GRIP1: variants seen among roughly 807,000 people sequenced by gnomAD.
The protein encoded by GRIP1 is glutamate receptor-interacting protein 1.
GRIP1 carries 45 observed loss-of-function variants against 129.9 expected under a neutral mutation model. The ratio of observed to expected loss-of-function variants is 0.35; its 90% CI spans 0.27 to 0.44. The LOEUF (loss-of-function observed/expected upper bound fraction) is 0.44. GRIP1 is among the 20% of genes least tolerant of loss of function. The pLI is 1.00. For synonymous variants in GRIP1, 530 were observed against 520.8 expected (o/e 1.02, Z -0.24); for missense variants, 1,196 against 1,396.8 (o/e 0.86, Z 2.29).
intron 2 of GRIP1, among the ~76,000 whole-genome samples, chr12:66,547,647 T>A (rs986729682): frequency 2.6e-5 from 4 of 152,192 alleles, no homozygotes; most frequent in African/African-American, 9.7e-5. Flanking sequence ...ACCAGAGAAC[T>A]ATGCTAAGGG....
At chr12:66,941,504 G>T (rs1323092944) in intron 1 of GRIP1, among the ~76,000 whole-genome samples, 1 of 152,038 alleles carries the variant, frequency 6.6e-6, no homozygotes, top group Non-Finnish European at 1.5e-5. Flanking sequence ...TTGTGCTTTG[G>T]TCCTGAGCTA....
intron 1 of GRIP1, among the ~76,000 whole-genome samples, chr12:66,645,309 GA>G: frequency 6.6e-6 from 1 of 152,156 alleles, no homozygotes; most frequent in South Asian, 2.1e-4. Flanking sequence ...TAACAGATTG[GA>G]AAACAGACCT....
chr12:67,066,894 A>G (rs930040511), intron 1 of GRIP1, among the ~76,000 whole-genome samples: 1 of 139,788 alleles, frequency 7.2e-6, no homozygotes, highest in African/African-American at 2.7e-5. Flanking sequence ...ATATTTATAT[A>G]TATATATATA....
At chr12:66,909,865 C>T (rs2040999923) in intron 1 of GRIP1, among the ~76,000 whole-genome samples, 1 of 152,096 alleles carries the variant, frequency 6.6e-6, no homozygotes, top group South Asian at 2.1e-4. Context: ...AAGTTACTGC[C>T]ATAATAATGT....
intron 1 of GRIP1, among the ~76,000 whole-genome samples, chr12:66,767,213 A>AT (rs1028168635): frequency 6.6e-6 from 1 of 152,106 alleles, no homozygotes; most frequent in Admixed American, 6.6e-5. Flanking sequence ...TTAAAATACT[A>AT]TTTTTTGCCA....
chr12:66,696,313 T>C (rs1389557803), intron 1 of GRIP1, among the ~76,000 whole-genome samples: 1 of 152,098 alleles, frequency 6.6e-6, no homozygotes, highest in East Asian at 1.9e-4. Context: ...TTGAAGAATT[T>C]GATTCCTGAT....
At position 66,785,305 on chromosome 12, in the gene GRIP1, AACATACATACAT is replaced by A. The variant is rs765557975; in HGVS notation, c.-420+18736_-420+18747del. Among the ~76,000 whole-genome samples the A allele has an allele frequency of 3.8e-4, 40 of 103,942 alleles. 1 individual carries two copies. The highest frequency in any genetic ancestry group is 1.4e-3 in the African/African-American group (38 of 26,368). 68.2% of individuals were successfully genotyped at this position (103,942 alleles called of 152,430 possible). A position where few individuals can be genotyped will look rare whatever the true frequency, so the allele number is the denominator to read the frequency against. On this transcript the variant is annotated intron_variant, in intron 1 of 4. Transcript: ENST00000538373. Reference sequence around the variant, plus strand: ...GAAACCCTGACTCTTCCAAGAATTTAACATACATACATACATACATACATACATACATACATA... The same window carrying A: ...GAAACCCTGACTCTTCCAAGAATTTAACATACATACATACATACATACATA...
At chr12:66,831,975 CT>C (rs1487589439) in intron 1 of GRIP1, among the ~76,000 whole-genome samples, 1 of 152,162 alleles carries the variant, frequency 6.6e-6, no homozygotes, top group Middle Eastern at 3.2e-3. Flanking sequence ...ATAAGTTAGA[CT>C]TTCCTCAATC....
intron 1 of GRIP1, among the ~76,000 whole-genome samples, chr12:66,601,716 G>A (rs1314071241): frequency 6.6e-6 from 1 of 152,212 alleles, no homozygotes; most frequent in African/African-American, 2.4e-5. Flanking sequence ...TCCCAGCAGA[G>A]AGGAGACAGG....
Position 66,379,331 on chromosome 12 carries a change from T to C in GRIP1, c.2570A>G (p.Tyr857Cys). 6.2e-7 allele frequency: 1 copy of C among 1,614,002 alleles called. No individual in the cohort carries two copies. Among genetic ancestry groups the C allele is most frequent in the Middle Eastern group, 1.7e-4 (1 of 6,056 alleles). Residue 857 changes from tyrosine (Y) to cysteine (C), a missense_variant, in exon 20 of 25, where the codon TAC becomes TGC. Coordinates refer to ENST00000359742, the MANE Select transcript of GRIP1 (RefSeq NM_001366722.1). ...TTCATAACTCAGCCCCACATCTGGG[T>C]AAGTCTGGCTTCGAGGCTTAGTGAC... ...SPVTKPRSQTYPDVGLSYEDW... is the reference protein window; with the variant it reads ...SPVTKPRSQTCPDVGLSYEDW...
chr12:66,906,603 T>C (rs10878531), intron 1 of GRIP1, among the ~76,000 whole-genome samples: 39,457 of 152,000 alleles, frequency 0.26, 5,539 homozygotes, highest in East Asian at 0.45. Context: ...CTCAAGCATA[T>C]GCACTCTGGG....
intron 7 of GRIP1, among the ~76,000 whole-genome samples, chr12:66,483,976 C>T (rs2059882158): frequency 6.6e-6 from 1 of 151,544 alleles, no homozygotes. Flanking sequence ...TCTCCTGCCT[C>T]AGCCTCCCAA....
At chr12:66,494,923 T>TTTGC (rs1259619306) in intron 7 of GRIP1, among the ~76,000 whole-genome samples, 1 of 152,084 alleles carries the variant, frequency 6.6e-6, no homozygotes, top group Non-Finnish European at 1.5e-5. Flanking sequence ...GAAGCTCTTT[T>TTTGC]AAGACAGAGC....
intron 7 of GRIP1, among the ~76,000 whole-genome samples, chr12:66,510,250 C>T (rs1278991034): frequency 4.6e-5 from 7 of 152,250 alleles, no homozygotes; most frequent in East Asian, 1.9e-4. Context: ...GCTTGGCCTT[C>T]GTTCACTGTC....
At chr12:66,809,113 A>AT (rs2039053604), upstream of GRIP1, among the ~76,000 whole-genome samples, 2 of 152,226 alleles carry the variant, frequency 1.3e-5, no homozygotes, top group Non-Finnish European at 1.5e-5. Context: ...ATGTTAACAA[A>AT]TATGTATTTT....
chr12:66,784,106 C>G (rs1165918491), intron 1 of GRIP1, among the ~76,000 whole-genome samples: 1 of 151,610 alleles, frequency 6.6e-6, no homozygotes, highest in African/African-American at 2.4e-5. Context: ...CCAATTTAAG[C>G]CAATATTTCC....
At chr12:66,731,542 A>C (rs930787793) in intron 1 of GRIP1, among the ~76,000 whole-genome samples, 2 of 152,172 alleles carry the variant, frequency 1.3e-5, no homozygotes, top group African/African-American at 4.8e-5. Context: ...TAATCATTGA[A>C]ACTATAAATA....
chr12:66,842,871 A>C (rs2039745975), intron 1 of GRIP1, among the ~76,000 whole-genome samples: 1 of 152,174 alleles, frequency 6.6e-6, no homozygotes, highest in African/African-American at 2.4e-5. Flanking sequence ...ACAATAAAGT[A>C]CAGGAAGCCA....
At chr12:66,838,499 A>G (rs2039657323) in intron 1 of GRIP1, among the ~76,000 whole-genome samples, 1 of 152,232 alleles carries the variant, frequency 6.6e-6, no homozygotes, top group Non-Finnish European at 1.5e-5. Flanking sequence ...AACTCTGATC[A>G]GACAAGAATC....
Sources: allele counts gnomAD v4.1 joint callset (sites outside exome capture counted in the v4.1 genomes callset), GRCh38; gene constraint gnomAD v4.1.1; transcripts MANE v1.5; gene names NCBI Gene and HGNC (gene_info 2026-07-23, HGNC 2026-07-21).